ACBD4: variants seen among roughly 807,000 people sequenced by gnomAD.
ACBD4 encodes acyl-CoA-binding domain-containing protein 4.
In ACBD4, 41 loss-of-function variants were observed where a neutral mutation model predicts 46.0. That is an observed-to-expected ratio of 0.89 (90% CI 0.69 to 1.16). The LOEUF is 1.16. Ranked by LOEUF, ACBD4 falls within the 50% of genes most tolerant of loss-of-function variation. The probability of loss-of-function intolerance (pLI) is 0.00; values close to 1 mark genes in which losing one functional copy is unlikely to be tolerated. For synonymous variants in ACBD4, 162 were observed against 155.9 expected (o/e 1.04, Z -0.29); for missense variants, 393 against 399.5 (o/e 0.98, Z 0.14).
intron 9 of ACBD4, chr17:45,142,885 C>T (rs1431810533): frequency 1.3e-5 from 2 of 153,330 alleles, no homozygotes; most frequent in Non-Finnish European, 2.9e-5. Flanking sequence ...TATGCTCAGA[C>T]AGTCACAACT....
chr17:45,136,665 A>G, intron 3 of ACBD4, 27 bp from the exon 4 acceptor site: 1 of 1,614,084 alleles, frequency 6.2e-7, no homozygotes, highest in South Asian at 1.1e-5. Flanking sequence ...GCTGTCAAGC[A>G]GCCCTCTCAC....
At position 45,136,509 on chromosome 17, in the gene ACBD4, G is replaced by A. The variant is rs759153871; in HGVS notation, c.98G>A (p.Arg33His). 18 of 1,612,604 alleles carry A rather than the reference G, an allele frequency of 1.1e-5. No individual in the cohort carries two copies. Among genetic ancestry groups the A allele is most frequent in the African/African-American group, 9.4e-5 (7 of 74,848 alleles). ...CCAACTCTCTGCCCAGGTTCTTACC[G>A]CCCCTCCTATGAAGAGATGCTGCGA... ...IQNLPKNGSY[R>H]PSYEEMLRFY... Residue 33 changes from arginine to histidine, a missense_variant, in exon 3 of 10, where the codon CGC becomes CAC. Coordinates refer to ENST00000321854, the MANE Select transcript of ACBD4 (RefSeq NM_001135705.3).
chr17:45,132,531 G>C, upstream of ACBD4: 1 of 349,410 alleles, frequency 2.9e-6, no homozygotes. This position sits in a 1 kb window ranked among gnomAD's most constrained non-coding sequence, Gnocchi z 4.6. Flanking sequence ...TAGCGGCGCG[G>C]GAGGGAGTCG....
Position 45,136,154 on chromosome 17 carries a change from G to C in ACBD4, c.10G>C (p.Glu4Gln). Residue 4 changes from glutamate (E) to glutamine (Q), a missense_variant, in exon 2 of 10, where the codon GAG becomes CAG. Glu to Gln is a conservative substitution (Grantham distance 29, BLOSUM62 2). This residue lies in a region of ACBD4 where 61 missense variants were observed against 50.3 expected (regional missense o/e 1.21). Transcript: ENST00000321854. ...CAGGGCTCGCAGCAGCATGGGCACC[G>C]AGAAAGAAAGCCCAGAGCCCGACTG... The part of the protein sequence containing the change: MGT[E>Q]KESPEPDCQK... The C allele has an allele frequency of 6.2e-7, 1 of 1,613,400 alleles. No individual in the cohort carries two copies. The highest frequency in any genetic ancestry group is 8.5e-7 in the Non-Finnish European group (1 of 1,179,824).
At chr17:45,137,657 C>G (rs563924006) in intron 6 of ACBD4, 103 bp from the exon 7 acceptor site, 5 of 1,416,810 alleles carry the variant, frequency 3.5e-6, no homozygotes, top group Middle Eastern at 1.8e-4. Context: ...TCTAGTGCCT[C>G]GTATCTCTAG....
At position 45,136,165 on chromosome 17, in the gene ACBD4, C is replaced by G. The variant is rs200581584; in HGVS notation, c.21C>G (p.Ser7Arg). The G allele has an allele frequency of 4.5e-5, 73 of 1,613,604 alleles. No homozygotes were observed. In the African/African-American group the frequency reaches 9.2e-4, roughly 20 times the overall value. MGTEKE[S>R]PEPDCQKQFQ... ...GCAGCATGGGCACCGAGAAAGAAAG[C>G]CCAGAGCCCGACTGCCAGAAACAGT... Residue 7 changes from serine to arginine, a missense_variant, in exon 2 of 10, where the codon AGC becomes AGG. By Grantham distance (110) the Ser-to-Arg change is moderately radical. Transcript: ENST00000321854.
In ACBD4 at chr17:45,137,792, G is replaced by A; in HGVS notation, c.535G>A (p.Val179Ile). 1 of 1,614,008 alleles carries A rather than the reference G, an allele frequency of 6.2e-7. No individual in the cohort carries two copies. Among genetic ancestry groups the A allele is most frequent in the Non-Finnish European group, 8.5e-7 (1 of 1,180,014 alleles). The change falls in exon 7 of 10, where the codon GTT becomes ATT. Residue 179 changes from valine (V) to isoleucine (I), a missense_variant. Physicochemically the swap from Val to Ile is conservative, Grantham distance 29 (BLOSUM62 3). Transcript: ENST00000321854. ...TTCACCCAGGGACCTGGACTCCGAG[G>A]TTTTCTGTGATTCCCTGGAGCAGCT... Reference protein sequence around the residue: ...SHSPRDLDSEVFCDSLEQLEP... With the variant: ...SHSPRDLDSEIFCDSLEQLEP...
chr17:45,136,011 C>G (rs2054798860), intron 1 of ACBD4, 58 bp downstream of exon 1: 1 of 865,238 alleles, frequency 1.2e-6, no homozygotes, highest in Non-Finnish European at 1.8e-6. Context: ...TCTGAGGCCT[C>G]TAAAGAGCTT....
At chr17:45,137,725 C>G (rs775151217) in intron 6 of ACBD4, 35 bp from the exon 7 acceptor site, 1 of 1,612,034 alleles carries the variant, frequency 6.2e-7, no homozygotes, top group South Asian at 1.1e-5. Context: ...TCCACAGCTT[C>G]CCTCTGGGCA....
At chr17:45,136,840 AC>A (rs1021939545) in intron 4 of ACBD4, 64 bp downstream of exon 4, 8 of 1,601,570 alleles carry the variant, frequency 5.0e-6, no homozygotes, top group African/African-American at 4.0e-5. Flanking sequence ...TCCAGTTCTG[AC>A]CCCCACTACG....
chr17:45,137,218 G>T, intron 5 of ACBD4, 79 bp downstream of exon 5: 1 of 1,605,816 alleles, frequency 6.2e-7, no homozygotes, highest in Non-Finnish European at 8.5e-7. Context: ...TGGGGGCAGA[G>T]GGCTCCAGGC....
intron 4 of ACBD4, 102 bp from the exon 5 acceptor site, chr17:45,136,917 T>C: frequency 6.3e-7 from 1 of 1,595,524 alleles, no homozygotes; most frequent in Non-Finnish European, 8.6e-7. Context: ...CTGCCTATCT[T>C]TGGCCCCTGA....
At position 45,139,049 on chromosome 17, in the gene ACBD4, C is replaced by A; in HGVS notation, c.678C>A (p.Pro226=). The change falls in exon 9 of 10, where the codon CCC becomes CCA. Residue 226 remains proline (P), a synonymous_variant. Coordinates refer to ENST00000321854, the MANE Select transcript of ACBD4 (RefSeq NM_001135705.3). ...GGTTGCGGGGCAGCCCGCCGGGGCC[C>A]CAGGAGTTGGACGTGTGGCTGCTGG... ...KEGLRGSPPG[P]QELDVWLLGT... is the part of the protein sequence containing the mutation. 1 of 1,613,670 alleles carries A rather than the reference C, an allele frequency of 6.2e-7. No individual in the cohort carries two copies. The highest frequency in any genetic ancestry group is 8.5e-7 in the Non-Finnish European group (1 of 1,180,028).
intron 5 of ACBD4, 58 bp downstream of exon 5, chr17:45,137,197 C>T (rs2054908633): frequency 6.2e-7 from 1 of 1,609,928 alleles, no homozygotes. Context: ...TAGGTCTAGG[C>T]TGAGGTGGGC....
At chr17:45,132,394 C>T (rs1018362687), upstream of ACBD4, 1 of 1,223,616 alleles carries the variant, frequency 8.2e-7, no homozygotes, top group African/African-American at 1.6e-5. The surrounding 1 kb of genome is among the most constrained non-coding windows in gnomAD (Gnocchi z 4.6). Flanking sequence ...GCAACGCCTC[C>T]AGCGGCCGCA....
Position 45,139,134 on chromosome 17 carries a change from G to T in ACBD4, c.763G>T (p.Glu255Ter). The T allele has an allele frequency of 6.2e-7, 1 of 1,613,722 alleles. No individual in the cohort carries two copies. Among genetic ancestry groups the T allele is most frequent in the East Asian group, 2.2e-5 (1 of 44,886 alleles). The stretch of plus-strand genomic sequence containing the variant: ...GGTGCAGGCGAGGGTGCAGAGCCTG[G>T]AGAGCATGCCCCGGCCCCCTGAGCA... Reference protein sequence around the residue: ...QEVQARVQSLESMPRPPEQRP... With the variant: ...QEVQARVQSL Residue 255 changes from glutamate to a stop codon, truncating the protein, a stop_gained, in exon 9 of 10, where the codon GAG becomes TAG. Coordinates refer to ENST00000321854, the MANE Select transcript of ACBD4 (RefSeq NM_001135705.3). LOFTEE classifies it high-confidence loss of function.
chr17:45,143,604 G>A lies in ACBD4; in HGVS notation c.*33G>A. The A allele has an allele frequency of 3.1e-6, 5 of 1,614,010 alleles. No individual in the cohort carries two copies. The highest frequency in any genetic ancestry group is 4.2e-6 in the Non-Finnish European group (5 of 1,180,018). On this transcript the variant is annotated 3_prime_UTR_variant, in exon 10 of 10. Coordinates refer to ENST00000321854, the MANE Select transcript of ACBD4 (RefSeq NM_001135705.3). ...TGGAGGGGTCTCTGCAGCCAACTGA[G>A]ACTATCTTGCTGTGCCCTGAGCCTT...
chr17:45,140,658 CAAA>C (rs35492972), intron 9 of ACBD4, among the ~76,000 whole-genome samples: 11 of 130,864 alleles, frequency 8.4e-5, no homozygotes, highest in Admixed American at 1.5e-4. Context: ...GATCCTGCCT[CAAA>C]AAAAAAAAAA....
chr17:45,143,843 G>C lies in ACBD4; in HGVS notation c.*272G>C, dbSNP rs1405633100. ...CCCGGTGCTGGGTTGGCCGTGACTC[G>C]GGGGCGGGGCGATCGGGTCTCAGCC... is the stretch of plus-strand genomic sequence containing the variant. On this transcript the variant is annotated 3_prime_UTR_variant, in exon 10 of 10. Transcript: ENST00000321854. 1.9e-6 allele frequency: 1 copy of C among 524,832 alleles called. No homozygotes were observed. The highest frequency in any genetic ancestry group is 3.3e-6 in the Non-Finnish European group (1 of 300,490). The allele number at this position is 524,832 out of a possible 1,614,324, so 32.5% of individuals were successfully genotyped here. A position where few individuals can be genotyped will look rare whatever the true frequency, so the allele number is the denominator to read the frequency against.
Sources: gnomAD v4.1 joint callset for allele counts (sites outside exome capture counted in the v4.1 genomes callset) on GRCh38, gnomAD v4.1.1 for gene constraint, gnomAD v4.1.1 regional missense constraint, Gnocchi (gnomAD v3.1) non-coding constraint, MANE v1.5 for transcripts, NCBI Gene and HGNC (gene_info 2026-07-23, HGNC 2026-07-21) for gene names.